The following SNX3 variants were observed in gnomAD, a reference collection of about 807,000 sequenced individuals.
The protein encoded by SNX3 is sorting nexin 3, also known as sorting nexin-3.
A neutral mutation model predicts 17.7 loss-of-function variants in SNX3; 5 were observed. That is an observed-to-expected ratio of 0.28 (90% CI 0.15 to 0.59). The LOEUF is 0.59. SNX3 is among the 20% of genes least tolerant of loss of function. The probability of loss-of-function intolerance (pLI) is 0.88; values close to 1 mark genes in which losing one functional copy is unlikely to be tolerated. For synonymous variants in SNX3, 91 were observed against 76.5 expected (o/e 1.19, Z -0.99); for missense variants, 132 against 206.8 (o/e 0.64, Z 2.22).
intron 1 of SNX3, among the ~76,000 whole-genome samples, chr6:108,246,955 G>A (rs1775710578): frequency 6.6e-6 from 1 of 152,154 alleles, no homozygotes; most frequent in South Asian, 2.1e-4. Context: ...ATATCATAAA[G>A]CATGGTCAGG....
chr6:108,241,407 G>C (rs1775519921), intron 1 of SNX3, among the ~76,000 whole-genome samples: 1 of 151,982 alleles, frequency 6.6e-6, no homozygotes, highest in Non-Finnish European at 1.5e-5. Context: ...TGTAATCCTA[G>C]TACTTTGGGA....
chr6:108,260,898 G>T lies in SNX3; in HGVS notation c.24C>A (p.Thr8=). The T allele has an allele frequency of 6.2e-7, 1 of 1,608,418 alleles. No homozygotes were observed. The highest frequency in any genetic ancestry group is 8.5e-7 in the Non-Finnish European group (1 of 1,177,232). MAETVAD[T]RRLITKPQNL... Reference sequence around the variant, plus strand: ...TCTGCGGCTTGGTGATCAGCCGCCGGGTGTCAGCCACGGTCTCCGCCATTT... The same window carrying T: ...TCTGCGGCTTGGTGATCAGCCGCCGTGTGTCAGCCACGGTCTCCGCCATTT... The change falls in exon 1 of 4, where the codon ACC becomes ACA. Residue 8 remains threonine (T), a synonymous_variant. Coordinates refer to ENST00000230085, the MANE Select transcript of SNX3 (RefSeq NM_003795.6).
chr6:108,248,074 G>A (rs1343708464), intron 1 of SNX3, among the ~76,000 whole-genome samples: 1 of 152,148 alleles, frequency 6.6e-6, no homozygotes, highest in African/African-American at 2.4e-5. Flanking sequence ...GTGTGATTCT[G>A]GCATGTCATT....
chr6:108,217,752 A>C (rs1012403746), intron 2 of SNX3, among the ~76,000 whole-genome samples: 14 of 151,878 alleles, frequency 9.2e-5, no homozygotes, highest in African/African-American at 3.4e-4. Flanking sequence ...CCGTCTCAAA[A>C]AAAAAAAAAA....
intron 2 of SNX3, among the ~76,000 whole-genome samples, chr6:108,222,694 T>A (rs1774834325): frequency 1.3e-5 from 2 of 152,206 alleles, no homozygotes; most frequent in East Asian, 3.9e-4. Flanking sequence ...AGGAAGGAAG[T>A]AATAGCAACA....
chr6:108,251,027 T>G (rs953747566), intron 1 of SNX3, among the ~76,000 whole-genome samples: 1 of 151,724 alleles, frequency 6.6e-6, no homozygotes, highest in African/African-American at 2.4e-5. Flanking sequence ...GCAACTACAA[T>G]GGTGGTCCTA....
chr6:108,243,559 G>A (rs963870783), intron 1 of SNX3, among the ~76,000 whole-genome samples: 3 of 152,042 alleles, frequency 2.0e-5, no homozygotes, highest in Admixed American at 2.0e-4. Flanking sequence ...CCATCTGATG[G>A]GAACCTTAGA....
intron 1 of SNX3, among the ~76,000 whole-genome samples, chr6:108,236,375 A>ATTTTTTT (rs1271213219): frequency 2.5e-5 from 3 of 122,364 alleles, no homozygotes; most frequent in Admixed American, 8.2e-5. Flanking sequence ...TATTATTATT[A>ATTTTTTT]TTATTTTTTT....
chr6:108,255,343 T>G (rs58685850), intron 1 of SNX3, among the ~76,000 whole-genome samples: 10,920 of 152,178 alleles, frequency 0.072, 1,350 homozygotes, highest in African/African-American at 0.25. Flanking sequence ...GCCCTGATTT[T>G]TTTTTCTTTG....
At chr6:108,255,218 A>G (rs1775994979) in intron 1 of SNX3, among the ~76,000 whole-genome samples, 1 of 152,218 alleles carries the variant, frequency 6.6e-6, no homozygotes, top group South Asian at 2.1e-4. Flanking sequence ...CTTCTCCTTG[A>G]TGGAGATCCT....
At chr6:108,221,532 CTTTTTT>C (rs554429322) in intron 2 of SNX3, among the ~76,000 whole-genome samples, 1,243 of 57,516 alleles carry the variant, frequency 0.022, 8 homozygotes, top group Middle Eastern at 0.048. Flanking sequence ...CAGTATTACA[CTTTTTT>C]TTTTTTTTTT....
rs914847785 is a variant in SNX3, at chr6:108,222,221, C to T, written c.258+729G>A. Reference sequence around the variant, plus strand: ...GTTCAGGACTCCTACCATACCCACACCTTTTTACCTACTTTCTAGTCACAA... The same window carrying T: ...GTTCAGGACTCCTACCATACCCACATCTTTTTACCTACTTTCTAGTCACAA... On this transcript the variant is annotated intron_variant, in intron 2 of 3. Transcript: ENST00000230085. 8 of 1,304,018 alleles carry T rather than the reference C, an allele frequency of 6.1e-6. No individual in the cohort carries two copies. The Admixed American group carries it at 6.9e-5, about 11-fold the overall frequency. The allele number at this position is 1,304,018 out of a possible 1,614,324, so 80.8% of individuals were successfully genotyped here. A position where few individuals can be genotyped will look rare whatever the true frequency, so the allele number is the denominator to read the frequency against.
chr6:108,236,521 C>T (rs896697266), intron 1 of SNX3, among the ~76,000 whole-genome samples: 6 of 150,106 alleles, frequency 4.0e-5, no homozygotes, highest in Non-Finnish European at 8.9e-5. Flanking sequence ...GTAGCTGGGA[C>T]TACAGGCGCC....
At chr6:108,247,262 T>C (rs1299969905) in intron 1 of SNX3, among the ~76,000 whole-genome samples, 2 of 152,090 alleles carry the variant, frequency 1.3e-5, no homozygotes, top group Admixed American at 1.3e-4. Context: ...CTTTACAAAT[T>C]ACCCAGTCTC....
At chr6:108,245,014 A>G (rs1775640671) in intron 1 of SNX3, among the ~76,000 whole-genome samples, 2 of 152,096 alleles carry the variant, frequency 1.3e-5, no homozygotes, top group Non-Finnish European at 1.5e-5. Context: ...ACATAGGTAT[A>G]CATGTGCCAT....
At chr6:108,252,677 T>C (rs945075707) in intron 1 of SNX3, among the ~76,000 whole-genome samples, 2 of 151,610 alleles carry the variant, frequency 1.3e-5, no homozygotes, top group African/African-American at 4.9e-5. Flanking sequence ...TTTTCTCTTT[T>C]TCTCTTTTTT....
intron 1 of SNX3, among the ~76,000 whole-genome samples, chr6:108,237,551 CG>C (rs1487005465): frequency 6.6e-6 from 1 of 151,916 alleles, no homozygotes; most frequent in African/African-American, 2.4e-5. Flanking sequence ...TTTGGGAGGC[CG>C]AGGCAGGCGG....
chr6:108,238,560 T>C (rs1476872397), intron 1 of SNX3, among the ~76,000 whole-genome samples: 1 of 152,030 alleles, frequency 6.6e-6, no homozygotes, highest in African/African-American at 2.4e-5. Context: ...AGCCCAGGAA[T>C]TTGAGGGCAG....
chr6:108,223,059 A>G lies in SNX3; in HGVS notation c.163-14T>C. On this transcript the variant is annotated splice_polypyrimidine_tract_variant and intron_variant, in intron 1 of 3. Transcript: ENST00000230085. ...AGGAAGATTTGTCTGAAACAAAAAA[A>G]GTTAGTCCTAAATTGAAGCACATTA... 6.7e-7 allele frequency: 1 copy of G among 1,481,760 alleles called. No individual in the cohort carries two copies. Among genetic ancestry groups the G allele is most frequent in the Non-Finnish European group, 9.4e-7 (1 of 1,066,188 alleles). 91.8% of individuals were successfully genotyped at this position (1,481,760 alleles called of 1,614,324 possible).
Sources: allele counts gnomAD v4.1 joint callset (sites outside exome capture counted in the v4.1 genomes callset), GRCh38; gene constraint gnomAD v4.1.1; transcripts MANE v1.5; gene names NCBI Gene and HGNC (gene_info 2026-07-23, HGNC 2026-07-21).